Variants in DLGAP3 observed in about 807,000 individuals in gnomAD.
The protein encoded by DLGAP3 is DLG associated protein 3.
Under a neutral mutation model 81.2 loss-of-function variants are expected in DLGAP3, and 17 were observed. That is an observed-to-expected ratio of 0.21 (90% confidence interval 0.14 to 0.31). The LOEUF (loss-of-function observed/expected upper bound fraction) is 0.31, where lower values mean the gene tolerates loss of function less well. DLGAP3 is among the 10% of genes least tolerant of loss of function. The pLI, the probability that DLGAP3 is intolerant of heterozygous loss-of-function variation, is 1.00. For missense variants in DLGAP3, 1,124 were observed against 1,388.0 expected, an observed-to-expected ratio of 0.81 and a Z score of 3.02; for synonymous variants, 577 against 587.4, an observed-to-expected ratio of 0.98 and a Z score of 0.26.
chr1:34,896,437 CAGTT>C (rs1488757281), intron 5 of DLGAP3, among the ~76,000 whole-genome samples: 1 of 151,896 alleles, frequency 6.6e-6, no homozygotes, highest in African/African-American at 2.4e-5. Flanking sequence ...AAATACAAAA[CAGTT>C]AGCCAGGTGT....
Position 34,900,306 on chromosome 1 carries a change from T to C in DLGAP3, c.1108-33A>G, listed in dbSNP as rs368040589. On this transcript the variant is annotated intron_variant, in intron 3 of 11. Transcript: ENST00000373347. This position sits in a 1 kb window ranked among gnomAD's most constrained non-coding sequence, Gnocchi z 5.6. ...AACAGGGGTCTCTGTCTCTCAGACA[T>C]GACCCTAGTAAATCTAGAGGCCAGG... 6.3e-7 allele frequency: 1 copy of C among 1,598,874 alleles called. No individual in the cohort carries two copies. The highest frequency in any genetic ancestry group is 1.3e-5 in the African/African-American group (1 of 74,830).
chr1:34,879,775 C>T (rs934004606), intron 8 of DLGAP3, among the ~76,000 whole-genome samples: 6 of 151,596 alleles, frequency 4.0e-5, no homozygotes, highest in Admixed American at 1.3e-4. Context: ...TCAATATGTA[C>T]AATAAAAATA....
intron 5 of DLGAP3, among the ~76,000 whole-genome samples, chr1:34,893,754 C>T (rs1350376825): frequency 6.6e-6 from 1 of 152,100 alleles, no homozygotes; most frequent in African/African-American, 2.4e-5. Context: ...GAAAGTAACT[C>T]AAATTGTATA....
intron 3 of DLGAP3, among the ~76,000 whole-genome samples, chr1:34,901,870 G>T (rs559434984): frequency 1.3e-5 from 2 of 152,156 alleles, no homozygotes; most frequent in Admixed American, 1.3e-4. Flanking sequence ...GGATGCAAGC[G>T]ACTTTGGACA....
intron 1 of DLGAP3, among the ~76,000 whole-genome samples, chr1:34,910,156 C>G (rs1000256522): frequency 2.0e-5 from 3 of 152,178 alleles, no homozygotes; most frequent in Non-Finnish European, 4.4e-5. Flanking sequence ...CTGGCATCAT[C>G]GGGCCATGGA....
intron 5 of DLGAP3, among the ~76,000 whole-genome samples, chr1:34,898,020 G>A (rs1175853467): frequency 6.6e-6 from 1 of 152,206 alleles, no homozygotes; most frequent in Non-Finnish European, 1.5e-5. Flanking sequence ...TGTGGAGGGT[G>A]TGTGTATCAG....
intron 8 of DLGAP3, among the ~76,000 whole-genome samples, chr1:34,874,419 G>A (rs970641118): frequency 2.0e-5 from 3 of 152,224 alleles, no homozygotes; most frequent in African/African-American, 7.2e-5. Flanking sequence ...TCGCTATTTA[G>A]TTTTGGATTT....
intron 6 of DLGAP3, 50 bp downstream of exon 6, chr1:34,886,022 A>G (rs1310887669): frequency 6.5e-7 from 1 of 1,528,248 alleles, no homozygotes; most frequent in Admixed American, 2.0e-5. Flanking sequence ...ACCCGGACCC[A>G]GGGCGCTCTC....
chr1:34,878,473 T>C (rs1639092826), intron 8 of DLGAP3, among the ~76,000 whole-genome samples: 1 of 151,694 alleles, frequency 6.6e-6, no homozygotes, highest in South Asian at 2.1e-4. Flanking sequence ...AAGCCATTAG[T>C]AAGGATGAAA....
intron 1 of DLGAP3, among the ~76,000 whole-genome samples, chr1:34,910,699 G>A (rs568999440): frequency 2.6e-5 from 4 of 152,020 alleles, no homozygotes; most frequent in South Asian, 2.1e-4. Context: ...TTGCTTCCTC[G>A]GGGAAGCTTT....
intron 8 of DLGAP3, among the ~76,000 whole-genome samples, chr1:34,882,155 A>T (rs1320032450): frequency 6.6e-6 from 1 of 152,246 alleles, no homozygotes; most frequent in African/African-American, 2.4e-5. Context: ...GTTACTGAAT[A>T]CAAAATCAAC....
chr1:34,897,172 A>C (rs1639391078), intron 5 of DLGAP3, among the ~76,000 whole-genome samples: 1 of 152,234 alleles, frequency 6.6e-6, no homozygotes, highest in Admixed American at 6.5e-5. Context: ...TGACATCTCT[A>C]GTGCTTTAAA....
chr1:34,916,357 G>C (rs1639715626), intron 1 of DLGAP3, among the ~76,000 whole-genome samples: 1 of 152,228 alleles, frequency 6.6e-6, no homozygotes, highest in Non-Finnish European at 1.5e-5. Flanking sequence ...ATACATTTCA[G>C]ACCAGACAAC....
chr1:34,899,944 A>G, intron 4 of DLGAP3, 124 bp downstream of exon 4: 1 of 932,020 alleles, frequency 1.1e-6, no homozygotes. Context: ...CATGGAGTGG[A>G]GTGAGACACC....
intron 5 of DLGAP3, among the ~76,000 whole-genome samples, chr1:34,897,581 G>C (rs940339639): frequency 1.3e-5 from 2 of 152,172 alleles, no homozygotes; most frequent in Non-Finnish European, 2.9e-5. Context: ...GGTCATGCAG[G>C]CCTCGAAAGC....
intron 7 of DLGAP3, 61 bp from the exon 8 acceptor site, chr1:34,885,124 G>A (rs1415130982): frequency 1.3e-6 from 2 of 1,493,416 alleles, no homozygotes; most frequent in Non-Finnish European, 1.9e-6. Flanking sequence ...CCTTCCCGGG[G>A]AGAACGGCTA....
Position 34,905,228 on chromosome 1 carries a change from A to C in DLGAP3, c.156T>G (p.Ala52=). ...STEPRFCAPR[A]GLGHISPEGP... ...CTTCAGGAGAAATGTGTCCCAGGCC[A>C]GCTCTCGGGGCACAGAAGCGGGGCT... is the stretch of plus-strand genomic sequence containing the variant. Residue 52 remains alanine, a synonymous_variant, in exon 3 of 12, where the codon GCT becomes GCG. Coordinates refer to ENST00000373347, the MANE Select transcript of DLGAP3 (RefSeq NM_001080418.3). The C allele has an allele frequency of 6.3e-7, 1 of 1,595,818 alleles. No homozygotes were observed. Among genetic ancestry groups the C allele is most frequent in the Non-Finnish European group, 8.5e-7 (1 of 1,171,786 alleles).
At chr1:34,898,736 T>C (rs925569259) in intron 5 of DLGAP3, among the ~76,000 whole-genome samples, 2 of 152,328 alleles carry the variant, frequency 1.3e-5, no homozygotes, top group South Asian at 2.1e-4. Flanking sequence ...AGCTGGTAAG[T>C]AGCCAAGCTG....
intron 1 of DLGAP3, among the ~76,000 whole-genome samples, chr1:34,918,935 T>G (rs1639760342): frequency 6.6e-6 from 1 of 152,172 alleles, no homozygotes; most frequent in Non-Finnish European, 1.5e-5. Flanking sequence ...CGCAGGACCC[T>G]GAAGAGCCCC....
Sources: gnomAD v4.1 joint callset for allele counts (sites outside exome capture counted in the v4.1 genomes callset) on GRCh38, gnomAD v4.1.1 for gene constraint, Gnocchi (gnomAD v3.1) non-coding constraint, MANE v1.5 for transcripts, NCBI Gene and HGNC (gene_info 2026-07-23, HGNC 2026-07-21) for gene names.